Variants in PDE6A observed in about 807,000 individuals in gnomAD.
PDE6A encodes the protein rod cGMP-specific 3',5'-cyclic phosphodiesterase subunit alpha.
Under a neutral mutation model 106.3 loss-of-function variants are expected in PDE6A, and 84 were observed. The observed-to-expected ratio is 0.79, with a 90% CI of 0.66 to 0.95. The LOEUF (loss-of-function observed/expected upper bound fraction) is 0.95, where lower values mean the gene tolerates loss of function less well. Ranked by LOEUF, PDE6A falls within the 40% of genes least tolerant of loss-of-function variation. The pLI is 0.00. For missense variants in PDE6A, 1,052 were observed against 1,084.9 expected (o/e 0.97, Z 0.43); for synonymous variants, 394 against 386.6 (o/e 1.02, Z -0.23).
intron 3 of PDE6A, chr5:149,931,960 T>C: frequency 8.3e-7 from 1 of 1,207,636 alleles, no homozygotes; most frequent in Non-Finnish European, 1.2e-6. Flanking sequence ...TTGCAAATCT[T>C]TTATATTTCC....
At chr5:149,901,902 A>G (rs1752993510) in intron 8 of PDE6A, among the ~76,000 whole-genome samples, 1 of 152,232 alleles carries the variant, frequency 6.6e-6, no homozygotes, top group African/African-American at 2.4e-5. Context: ...CCTGATTGAT[A>G]ATGATTTGTT....
At position 149,859,750 on chromosome 5, in the gene PDE6A, T is replaced by C. The variant is rs1760063651; in HGVS notation, c.*1145A>G. The C allele has an allele frequency of 6.6e-6, 1 of 152,328 alleles. No homozygotes were observed. Among genetic ancestry groups the C allele is most frequent in the Admixed American group, 6.5e-5 (1 of 15,282 alleles). 9.4% of individuals were successfully genotyped at this position (152,328 alleles called of 1,614,324 possible). A position where few individuals can be genotyped will look rare whatever the true frequency, so the allele number is the denominator to read the frequency against. On this transcript the variant is annotated 3_prime_UTR_variant, in exon 22 of 22. Transcript: ENST00000255266. ...GGGGTCCCAAGTCCTTTGCTGAAGCTTGGGGTCTGTGCAGCCCATCAAAGC... is the reference window on the plus strand; with the variant it reads ...GGGGTCCCAAGTCCTTTGCTGAAGCCTGGGGTCTGTGCAGCCCATCAAAGC...
intron 7 of PDE6A, among the ~76,000 whole-genome samples, chr5:149,904,589 A>C (rs1223051013): frequency 1.3e-5 from 2 of 152,138 alleles, no homozygotes; most frequent in African/African-American, 4.8e-5. Flanking sequence ...CATCCTTGAG[A>C]AACGGTGCCT....
At chr5:149,912,569 C>T (rs1753420583) in intron 6 of PDE6A, among the ~76,000 whole-genome samples, 1 of 152,106 alleles carries the variant, frequency 6.6e-6, no homozygotes, top group Non-Finnish European at 1.5e-5. Flanking sequence ...TGTATTTTTC[C>T]TCTCTTCTCT....
At chr5:149,910,284 A>G (rs186278523) in intron 6 of PDE6A, among the ~76,000 whole-genome samples, 6 of 152,036 alleles carry the variant, frequency 3.9e-5, no homozygotes, top group African/African-American at 1.4e-4. Context: ...TTTATGTTCA[A>G]CCTCTTTGTA....
At chr5:149,939,933 T>C (rs1241854155) in intron 1 of PDE6A, 1 of 135,536 alleles carries the variant, frequency 7.4e-6, no homozygotes, top group African/African-American at 2.7e-5. Flanking sequence ...ACCAACTAGT[T>C]AAAAAAAAAA....
At chr5:149,921,020 C>T (rs911529466) in intron 5 of PDE6A, among the ~76,000 whole-genome samples, 17 of 141,654 alleles carry the variant, frequency 1.2e-4, no homozygotes, top group African/African-American at 3.9e-4. Flanking sequence ...AGAAAACCTA[C>T]GTAGCCAAGC....
At chr5:149,889,005 C>CCCGG (rs1184587898) in intron 13 of PDE6A, among the ~76,000 whole-genome samples, 2 of 143,758 alleles carry the variant, frequency 1.4e-5, no homozygotes, top group Non-Finnish European at 3.0e-5. Flanking sequence ...ATGGCGTGAA[C>CCCGG]CCGGGAGGCA....
intron 4 of PDE6A, among the ~76,000 whole-genome samples, chr5:149,921,990 G>A (rs907868121): frequency 1.3e-5 from 2 of 152,046 alleles, no homozygotes; most frequent in African/African-American, 4.8e-5. Flanking sequence ...GGGAAAGCAG[G>A]GTCTTTACGG....
intron 3 of PDE6A, chr5:149,932,572 T>C (rs1754069074): frequency 1.3e-6 from 2 of 1,538,578 alleles, no homozygotes; most frequent in East Asian, 2.2e-5. Flanking sequence ...AGGTTGGCGT[T>C]TGGCGGTGCT....
intron 1 of PDE6A, among the ~76,000 whole-genome samples, chr5:149,938,841 G>T (rs1309329162): frequency 6.6e-6 from 1 of 152,106 alleles, no homozygotes; most frequent in Non-Finnish European, 1.5e-5. Flanking sequence ...ATTTGGAGGG[G>T]GTGGGGAAGT....
intron 12 of PDE6A, among the ~76,000 whole-genome samples, chr5:149,895,811 A>AG (rs1752726882): frequency 1.3e-5 from 2 of 152,012 alleles, no homozygotes; most frequent in African/African-American, 4.8e-5. Context: ...AGAGAGAGAG[A>AG]AAAAGAAGAA....
chr5:149,899,250 G>A (rs1752874089), intron 9 of PDE6A, 125 bp downstream of exon 9: 1 of 869,654 alleles, frequency 1.1e-6, no homozygotes, highest in East Asian at 2.4e-5. Flanking sequence ...GAAAGTGGTT[G>A]ATGAGGCAGA....
At chr5:149,870,148 G>A (rs1240817107) in intron 17 of PDE6A, among the ~76,000 whole-genome samples, 1 of 152,102 alleles carries the variant, frequency 6.6e-6, no homozygotes, top group Non-Finnish European at 1.5e-5. Flanking sequence ...GATTAGCCAG[G>A]CGTGGTGGCA....
intron 4 of PDE6A, among the ~76,000 whole-genome samples, chr5:149,925,740 A>G (rs576620493): frequency 2.1e-4 from 32 of 151,482 alleles, no homozygotes; most frequent in African/African-American, 7.5e-4. Flanking sequence ...AGTAATTAAT[A>G]GAAGATGGAT....
intron 7 of PDE6A, 150 bp downstream of exon 7, chr5:149,907,162 T>A: frequency 1.3e-6 from 1 of 752,590 alleles, no homozygotes; most frequent in Non-Finnish European, 2.4e-6. Flanking sequence ...TTTAGACCAG[T>A]TGCCAACTGA....
chr5:149,864,124 G>C (rs1760240487), intron 20 of PDE6A, among the ~76,000 whole-genome samples: 1 of 152,158 alleles, frequency 6.6e-6, no homozygotes, highest in Non-Finnish European at 1.5e-5. Flanking sequence ...TGAGAACCTG[G>C]AGAGGGCAGG....
chr5:149,927,120 A>G (rs1163615156), intron 4 of PDE6A, among the ~76,000 whole-genome samples: 1 of 152,174 alleles, frequency 6.6e-6, no homozygotes, highest in Non-Finnish European at 1.5e-5. Flanking sequence ...TGAACATTGC[A>G]GAGTGCACTT....
At chr5:149,880,939 TGTA>T (rs1760898707) in intron 17 of PDE6A, among the ~76,000 whole-genome samples, 1 of 152,076 alleles carries the variant, frequency 6.6e-6, no homozygotes, top group African/African-American at 2.4e-5. Context: ...GGCGGGTGCC[TGTA>T]GTCCCAGCTA....
Sources: allele counts gnomAD v4.1 joint callset (sites outside exome capture counted in the v4.1 genomes callset), GRCh38; gene constraint gnomAD v4.1.1; transcripts MANE v1.5; gene names NCBI Gene and HGNC (gene_info 2026-07-23, HGNC 2026-07-21).